ROCK2: variants seen among roughly 807,000 people sequenced by gnomAD.
ROCK2 encodes rho-associated protein kinase 2.
A neutral mutation model predicts 195.1 loss-of-function variants in ROCK2; 61 were observed. The observed-to-expected ratio is 0.31, with a 90% CI of 0.25 to 0.39. ROCK2 has a LOEUF of 0.39. Among genes scored for constraint, ROCK2 ranks in the 10% least tolerant of loss-of-function variants. The probability of loss-of-function intolerance (pLI) is 1.00; values close to 1 mark genes in which losing one functional copy is unlikely to be tolerated. For missense variants in ROCK2, 1,109 were observed against 1,637.4 expected, an observed-to-expected ratio of 0.68 and a Z score of 5.57; for synonymous variants, 504 against 545.5, an observed-to-expected ratio of 0.92 and a Z score of 1.06.
intron 3 of ROCK2, among the ~76,000 whole-genome samples, chr2:11,278,487 A>G (rs995860994): frequency 1.3e-5 from 2 of 152,234 alleles, no homozygotes; most frequent in East Asian, 3.8e-4. Context: ...GGTTGATTCC[A>G]TATCTTGGCT....
At chr2:11,261,797 C>T (rs1666237167) in intron 3 of ROCK2, among the ~76,000 whole-genome samples, 1 of 152,122 alleles carries the variant, frequency 6.6e-6, no homozygotes, top group South Asian at 2.1e-4. Context: ...TGCACTCCAG[C>T]CTGGGTCACA....
At chr2:11,226,227 C>T (rs568654130) in intron 6 of ROCK2, among the ~76,000 whole-genome samples, 5 of 152,254 alleles carry the variant, frequency 3.3e-5, no homozygotes, top group African/African-American at 7.2e-5. Context: ...CCAGAAGGTA[C>T]TAGTATTTTT....
chr2:11,191,460 T>A (rs1663420390), intron 32 of ROCK2, among the ~76,000 whole-genome samples: 1 of 152,222 alleles, frequency 6.6e-6, no homozygotes, highest in Admixed American at 6.5e-5. Flanking sequence ...ATGTTGCTGT[T>A]AAAATCACAC....
chr2:11,183,460 A>C lies in ROCK2; in HGVS notation c.4164-20T>G, dbSNP rs184018542. On this transcript the variant is annotated intron_variant, in intron 32 of 32. Coordinates refer to ENST00000315872, the MANE Select transcript of ROCK2 (RefSeq NM_004850.5). ...AGTTAGCTGAAAAGAAAGGAAAAAT[A>C]AAGTTAGTTGATACAGTGAAATAAT... 1.3e-4 allele frequency: 203 copies of C among 1,562,806 alleles called. 1 individual carries two copies. The African/African-American group carries it at 2.6e-3, about 20-fold the overall frequency.
chr2:11,336,079 T>C (rs1668919875), intron 1 of ROCK2, among the ~76,000 whole-genome samples: 1 of 152,230 alleles, frequency 6.6e-6, no homozygotes, highest in South Asian at 2.1e-4. Flanking sequence ...TGTAGATAAG[T>C]GCTATTAGCA....
chr2:11,292,113 A>C (rs1667380508), intron 1 of ROCK2, among the ~76,000 whole-genome samples: 1 of 152,086 alleles, frequency 6.6e-6, no homozygotes, highest in Non-Finnish European at 1.5e-5. Flanking sequence ...TTTCTAAATC[A>C]CTGTTCACCA....
intron 1 of ROCK2, among the ~76,000 whole-genome samples, chr2:11,305,477 A>T (rs915535230): frequency 6.7e-6 from 1 of 149,246 alleles, no homozygotes; most frequent in Non-Finnish European, 1.5e-5. Context: ...ACACACACAC[A>T]CTTACGTGCA....
intron 3 of ROCK2, among the ~76,000 whole-genome samples, chr2:11,279,876 A>G (rs1666942961): frequency 6.6e-6 from 1 of 152,252 alleles, no homozygotes; most frequent in Non-Finnish European, 1.5e-5. Context: ...TAACAGAAAG[A>G]TAACTAGAAA....
At chr2:11,316,993 G>A (rs998035683) in intron 1 of ROCK2, among the ~76,000 whole-genome samples, 13 of 152,096 alleles carry the variant, frequency 8.5e-5, no homozygotes, top group African/African-American at 3.1e-4. Flanking sequence ...TACCAGCACA[G>A]TTAAGAAGCT....
intron 19 of ROCK2, among the ~76,000 whole-genome samples, 157 bp from the exon 20 acceptor site, chr2:11,208,067 T>C (rs1260313869): frequency 6.6e-6 from 1 of 151,284 alleles, no homozygotes; most frequent in Non-Finnish European, 1.5e-5. Flanking sequence ...TCTAATAATA[T>C]TATAATTGTA....
At chr2:11,319,439 C>T (rs1468734671) in intron 1 of ROCK2, among the ~76,000 whole-genome samples, 4 of 152,290 alleles carry the variant, frequency 2.6e-5, no homozygotes, top group African/African-American at 9.6e-5. Context: ...GTGACTTCTG[C>T]ACATTGATTT....
At chr2:11,211,596 A>C in intron 18 of ROCK2, 85 bp downstream of exon 18, 1 of 1,307,642 alleles carries the variant, frequency 7.6e-7, no homozygotes, top group Non-Finnish European at 1.0e-6. Flanking sequence ...GAAATATAAA[A>C]AAAAATGTTT....
chr2:11,276,355 A>G lies in ROCK2; in HGVS notation c.324+10184T>C, dbSNP rs1268757685. Among the ~76,000 whole-genome samples the G allele has an allele frequency of 2.6e-5, 4 of 152,256 alleles. 1 individual carries two copies. The highest frequency in any genetic ancestry group is 2.0e-4 in the Admixed American group (3 of 15,286). On this transcript the variant is annotated intron_variant, in intron 3 of 32. Coordinates refer to ENST00000315872, the MANE Select transcript of ROCK2 (RefSeq NM_004850.5). The stretch of plus-strand genomic sequence containing the variant: ...TTGCGGCATACAAAGTCAACACTCA[A>G]AAGTCAATTATATTTCTATACACTA...
chr2:11,202,928 C>T (rs1663915835), intron 20 of ROCK2, among the ~76,000 whole-genome samples: 3 of 152,132 alleles, frequency 2.0e-5, no homozygotes, highest in Admixed American at 2.0e-4. Context: ...ATCCAAAGAG[C>T]ACCTCAAATC....
chr2:11,314,591 G>C (rs1406496870), intron 1 of ROCK2, among the ~76,000 whole-genome samples: 2 of 151,924 alleles, frequency 1.3e-5, no homozygotes, highest in Non-Finnish European at 2.9e-5. Context: ...GCTTTTCATA[G>C]TTCCTTTTAG....
chr2:11,238,207 A>AGTGTGTGTGTGTGTGTGTGTGT (rs764814189), intron 4 of ROCK2, among the ~76,000 whole-genome samples: 2 of 36,048 alleles, frequency 5.5e-5, no homozygotes, highest in Admixed American at 3.4e-4. Flanking sequence ...AAATTGAGAA[A>AGTGTGTGTGTGTGTGTGTGTGT]GAGTGTGTGT....
intron 3 of ROCK2, among the ~76,000 whole-genome samples, chr2:11,262,084 T>C (rs1666246851): frequency 6.6e-6 from 1 of 152,224 alleles, no homozygotes; most frequent in Admixed American, 6.5e-5. Flanking sequence ...TTATGTAGTA[T>C]GACATGAATT....
chr2:11,331,017 AAGGAGG>A (rs1668745167), intron 1 of ROCK2, among the ~76,000 whole-genome samples: 1 of 19,020 alleles, frequency 5.3e-5, no homozygotes, highest in Non-Finnish European at 9.3e-5. Context: ...GAGCAGAAAG[AAGGAGG>A]GAGGAGGAGG....
At chr2:11,328,768 A>G (rs1668624625) in intron 1 of ROCK2, among the ~76,000 whole-genome samples, 1 of 152,172 alleles carries the variant, frequency 6.6e-6, no homozygotes, top group Non-Finnish European at 1.5e-5. Flanking sequence ...TCCTTTGTAC[A>G]GACATGGATG....
Sources: allele counts gnomAD v4.1 joint callset (sites outside exome capture counted in the v4.1 genomes callset), GRCh38; gene constraint gnomAD v4.1.1; transcripts MANE v1.5; gene names NCBI Gene and HGNC (gene_info 2026-07-23, HGNC 2026-07-21).